The following POLK variants were observed in gnomAD, a reference collection of about 807,000 sequenced individuals.
The protein encoded by POLK is DNA polymerase kappa, also known as polymerase (DNA directed) kappa.
A neutral mutation model predicts 94.0 loss-of-function variants in POLK; 76 were observed. The ratio of observed to expected loss-of-function variants is 0.81; its 90% CI spans 0.67 to 0.98. The LOEUF (loss-of-function observed/expected upper bound fraction) is 0.98, where lower values mean the gene tolerates loss of function less well. Ranked by LOEUF, POLK falls within the 50% of genes least tolerant of loss-of-function variation. POLK has a pLI of 0.00. For synonymous variants in POLK, 349 were observed against 325.4 expected, an observed-to-expected ratio of 1.07 and a Z score of -0.78; for missense variants, 954 against 1,010.1, an observed-to-expected ratio of 0.94 and a Z score of 0.75.
chr5:75,526,580 T>G (rs1420905362), intron 1 of POLK, among the ~76,000 whole-genome samples: 6 of 147,202 alleles, frequency 4.1e-5, no homozygotes, highest in African/African-American at 7.4e-5. Flanking sequence ...TTTTGTTTTT[T>G]TTTTTTTCTT....
intron 1 of POLK, among the ~76,000 whole-genome samples, chr5:75,543,181 T>TATAG (rs1434478547): frequency 3.3e-5 from 5 of 151,970 alleles, no homozygotes; most frequent in Middle Eastern, 6.8e-3. Flanking sequence ...TAGCTGGGAC[T>TATAG]ATAGGCATGT....
intron 1 of POLK, among the ~76,000 whole-genome samples, chr5:75,526,482 T>C (rs1476286880): frequency 6.6e-6 from 1 of 152,034 alleles, no homozygotes; most frequent in Non-Finnish European, 1.5e-5. Context: ...TTGTTTTGTT[T>C]GTCTCCTTAT....
At chr5:75,588,923 C>T (rs1462757250) in intron 10 of POLK, among the ~76,000 whole-genome samples, 2 of 152,118 alleles carry the variant, frequency 1.3e-5, no homozygotes, top group Admixed American at 1.3e-4. Flanking sequence ...CTGCTAAATC[C>T]CTTTTGTCAT....
intron 3 of POLK, among the ~76,000 whole-genome samples, chr5:75,556,118 G>A (rs770802785): frequency 6.6e-6 from 1 of 152,174 alleles, no homozygotes; most frequent in Non-Finnish European, 1.5e-5. Flanking sequence ...ATACCATTTT[G>A]TCTTCCCACC....
intron 7 of POLK, chr5:75,581,724 G>A (rs953115045): frequency 1.0e-5 from 3 of 291,974 alleles, no homozygotes; most frequent in Middle Eastern, 2.2e-3. Context: ...TGCCCAGGTT[G>A]GAGTGCAGTG....
intron 3 of POLK, among the ~76,000 whole-genome samples, chr5:75,566,388 T>C (rs1771271894): frequency 6.6e-6 from 1 of 152,184 alleles, no homozygotes; most frequent in Admixed American, 6.5e-5. Flanking sequence ...TCTGTCTCTC[T>C]GGCGTTCAGG....
intron 11 of POLK, among the ~76,000 whole-genome samples, chr5:75,592,766 AT>A (rs1233747973): frequency 6.6e-6 from 1 of 151,166 alleles, no homozygotes; most frequent in Non-Finnish European, 1.5e-5. Context: ...CTAAAATGGG[AT>A]TTTAGGTCAG....
chr5:75,587,150 G>T, intron 10 of POLK, 92 bp downstream of exon 10: 3 of 782,186 alleles, frequency 3.8e-6, no homozygotes, highest in Admixed American at 5.5e-5. Context: ...ACTGAAATAA[G>T]AAATCTATTT....
intron 1 of POLK, among the ~76,000 whole-genome samples, chr5:75,515,739 T>C (rs1768291864): frequency 6.6e-6 from 1 of 152,324 alleles, no homozygotes; most frequent in South Asian, 2.1e-4. Context: ...GTAGCAGGGT[T>C]CCCCTTTCTC....
chr5:75,526,109 A>G (rs1561334312), intron 1 of POLK, among the ~76,000 whole-genome samples: 1 of 152,192 alleles, frequency 6.6e-6, no homozygotes, highest in Admixed American at 6.5e-5. Flanking sequence ...TAGCTTTCAT[A>G]GTAAATATAA....
chr5:75,511,467 C>T (rs763055479), upstream of POLK: 4 of 1,517,164 alleles, frequency 2.6e-6, no homozygotes, highest in South Asian at 3.7e-5. Flanking sequence ...CGCCGTGACC[C>T]CTGCGTTGCG....
Position 75,544,682 on chromosome 5 carries a change from CAAT to C in POLK, c.-13-2327_-13-2325del, listed in dbSNP as rs113889652. 1.4e-3 allele frequency among the ~76,000 whole-genome samples: 216 copies of C among 152,188 alleles called. 1 individual carries two copies. The highest frequency in any genetic ancestry group is 4.8e-3 in the African/African-American group (198 of 41,544). ...ATGAATGAATGAATATGAATAACAA[CAAT>C]GACAAACCCAGAAATATATGGGCAA... On this transcript the variant is annotated intron_variant, in intron 1 of 14. Coordinates refer to ENST00000241436, the Ensembl canonical transcript of POLK.
Position 75,511,909 on chromosome 5 carries a change from T to C in POLK, c.-19T>C, listed in dbSNP as rs1768035168. 3 of 1,318,474 alleles carry C rather than the reference T, an allele frequency of 2.3e-6. No homozygotes were observed. In the African/African-American group the frequency reaches 4.4e-5, roughly 19 times the overall value. The allele number at this position is 1,318,474 out of a possible 1,614,324, so 81.7% of individuals were successfully genotyped here. On this transcript the variant is annotated 5_prime_UTR_variant, in exon 1 of 15. Transcript: ENST00000241436. ...GGGAGTTGTAGTCGCGATCCTGAGGTAACGGGTGAGTATCCCGCGCGGGGA... is the reference window on the plus strand; with the variant it reads ...GGGAGTTGTAGTCGCGATCCTGAGGCAACGGGTGAGTATCCCGCGCGGGGA...
At chr5:75,608,460 G>A in the POLK span, among the ~76,000 whole-genome samples, 1 of 152,150 alleles carries the variant, frequency 6.6e-6, no homozygotes. Context: ...CTCTCAAATT[G>A]CTGGGATTAT....
downstream of POLK, among the ~76,000 whole-genome samples, chr5:75,605,178 C>T (rs1475209463): frequency 6.6e-6 from 1 of 151,174 alleles, no homozygotes; most frequent in Non-Finnish European, 1.5e-5. Flanking sequence ...CAACCACATA[C>T]CTATCATTGA....
intron 1 of POLK, among the ~76,000 whole-genome samples, chr5:75,541,392 A>G (rs1336073379): frequency 6.6e-6 from 1 of 152,194 alleles, no homozygotes; most frequent in Non-Finnish European, 1.5e-5. Context: ...TCAGAATATT[A>G]TTCATCCTGT....
the POLK span, among the ~76,000 whole-genome samples, chr5:75,607,393 G>C: frequency 2.6e-4 from 40 of 151,872 alleles, no homozygotes; most frequent in African/African-American, 9.4e-4. Flanking sequence ...GCTTGAACCC[G>C]GGAGACGGAG....
rs968129814 is a variant in POLK at position 75,511,964 on chromosome 5, G to A, written c.-14+50G>A. On this transcript the variant is annotated intron_variant, in intron 1 of 14. Transcript: ENST00000241436. Reference sequence around the variant, plus strand: ...TTGTCCCCTTGGGGCCTTGTCAGTCGGTGGGTGGGCTTCGTTTGACAGTTG... The same window carrying A: ...TTGTCCCCTTGGGGCCTTGTCAGTCAGTGGGTGGGCTTCGTTTGACAGTTG... The A allele has an allele frequency of 7.1e-6, 5 of 703,370 alleles. No homozygotes were observed. The Admixed American group carries it at 1.5e-4, about 22-fold the overall frequency. 43.6% of individuals were successfully genotyped at this position (703,370 alleles called of 1,614,324 possible).
In POLK at chr5:75,559,524, T is replaced by G. The variant is rs1198519702; in HGVS notation, c.255+6933T>G. ...GGGTTTGTTTTTTTGTTTTGTTTTGTTTTTTTTTTTTTTTTTTTTTTTTTT... is the reference window on the plus strand; with the variant it reads ...GGGTTTGTTTTTTTGTTTTGTTTTGGTTTTTTTTTTTTTTTTTTTTTTTTT... On this transcript the variant is annotated intron_variant, in intron 3 of 14. Transcript: ENST00000241436. Among the ~76,000 whole-genome samples the G allele has an allele frequency of 7.3e-5, 5 of 68,252 alleles. 1 individual carries two copies. The highest frequency in any genetic ancestry group is 1.2e-4 in the Non-Finnish European group (5 of 40,468). The allele number at this position is 68,252 out of a possible 152,430, so 44.8% of individuals were successfully genotyped here.
Sources: gnomAD v4.1 joint callset for allele counts (sites outside exome capture counted in the v4.1 genomes callset) on GRCh38, gnomAD v4.1.1 for gene constraint, MANE v1.5 for transcripts, NCBI Gene and HGNC (gene_info 2026-07-23, HGNC 2026-07-21) for gene names.